The following MRE11 variants were observed in gnomAD, a reference collection of about 807,000 sequenced individuals.
MRE11 encodes the protein MRE11 double strand break repair nuclease.
In MRE11, 62 loss-of-function variants were observed where a neutral mutation model predicts 91.7. The observed-to-expected ratio is 0.68, with a 90% confidence interval of 0.55 to 0.84. The LOEUF (loss-of-function observed/expected upper bound fraction) is 0.84. MRE11 is among the 40% of genes least tolerant of loss of function. The pLI is 0.00. For missense variants in MRE11, 796 were observed against 852.9 expected (o/e 0.93, Z 0.83); for synonymous variants, 273 against 271.4 (o/e 1.01, Z -0.06).
intron 4 of MRE11, among the ~76,000 whole-genome samples, chr11:94,484,880 G>A (rs554274655): frequency 2.0e-5 from 3 of 152,246 alleles, no homozygotes; most frequent in East Asian, 1.9e-4. Context: ...TTAAGGAAAC[G>A]TTTCTACTAA....
intron 7 of MRE11, chr11:94,473,310 T>C (rs941296606): frequency 9.9e-5 from 15 of 152,120 alleles, no homozygotes; most frequent in African/African-American, 3.6e-4. Context: ...CATGATGCCA[T>C]TGTGCCTTCA....
Position 94,485,927 on chromosome 11 carries a change from C to G in MRE11, c.311G>C (p.Ser104Thr), listed in dbSNP as rs587780140. 23 of 1,612,376 alleles carry G rather than the reference C, an allele frequency of 1.4e-5. No homozygotes were observed. In the Admixed American group the frequency reaches 3.2e-4, roughly 22 times the overall value. ...LSDQSVNFGFSKFPWVNYQDG... is the reference protein window; with the variant it reads ...LSDQSVNFGFTKFPWVNYQDG... ...TCAAGTAAATAAATATACTTACTTA[C>G]TAAAACCAAAGTTGACTGACTGATC... Residue 104 changes from serine (S) to threonine (T), a missense_variant, in exon 4 of 20, where the codon AGT (serine) becomes ACT (threonine). Coordinates refer to ENST00000323929, the MANE Select transcript of MRE11 (RefSeq NM_005591.4).
At chr11:94,481,404 C>A (rs895564049) in intron 4 of MRE11, among the ~76,000 whole-genome samples, 1 of 152,040 alleles carries the variant, frequency 6.6e-6, no homozygotes, top group African/African-American at 2.4e-5. Flanking sequence ...ATTTTATTGT[C>A]TTGAAAGAAC....
At chr11:94,450,347 CTT>C (rs1467078265) in intron 14 of MRE11, among the ~76,000 whole-genome samples, 2 of 152,036 alleles carry the variant, frequency 1.3e-5, no homozygotes, top group African/African-American at 4.8e-5. Context: ...CAGCTGTATG[CTT>C]TTAGAAAGCA....
At chr11:94,443,922 T>TCG (rs1565210235) in intron 16 of MRE11, among the ~76,000 whole-genome samples, 6 of 140,982 alleles carry the variant, frequency 4.3e-5, no homozygotes, top group East Asian at 2.1e-4. Context: ...CAACCAATTT[T>TCG]TTTTTTTTTT....
chr11:94,482,366 C>T (rs998805389), intron 4 of MRE11, among the ~76,000 whole-genome samples: 1 of 152,184 alleles, frequency 6.6e-6, no homozygotes, highest in African/African-American at 2.4e-5. Context: ...AACCCATGCT[C>T]TTAATCACTA....
chr11:94,471,199 GATCT>G (rs772145053), intron 8 of MRE11, among the ~76,000 whole-genome samples: 9 of 151,950 alleles, frequency 5.9e-5, no homozygotes, highest in Non-Finnish European at 1.0e-4. Flanking sequence ...TTAAAAATGA[GATCT>G]ATTATACTGC....
At chr11:94,459,044 C>T (rs958242123) in intron 13 of MRE11, among the ~76,000 whole-genome samples, 2 of 152,094 alleles carry the variant, frequency 1.3e-5, no homozygotes, top group African/African-American at 4.8e-5. Context: ...TTTTCCACTG[C>T]TTCTTGCTTA....
the MRE11 span, among the ~76,000 whole-genome samples, chr11:94,510,032 A>G: frequency 6.6e-6 from 1 of 152,142 alleles, no homozygotes; most frequent in East Asian, 1.9e-4. Flanking sequence ...TGAGTTGGGA[A>G]GTGTTAACAT....
intron 11 of MRE11, among the ~76,000 whole-genome samples, chr11:94,462,031 C>T (rs577708776): frequency 3.3e-5 from 5 of 152,196 alleles, no homozygotes; most frequent in African/African-American, 7.2e-5. Flanking sequence ...GCTGAGATCA[C>T]GCCACTGCAC....
At chr11:94,511,970 A>G in the MRE11 span, among the ~76,000 whole-genome samples, 3 of 152,266 alleles carry the variant, frequency 2.0e-5, no homozygotes, top group Non-Finnish European at 4.4e-5. Context: ...ATAATTCACA[A>G]CGTGAAAGTT....
rs1945076738 is a variant in MRE11 at position 94,418,237 on chromosome 11, A to G, written c.*1888T>C. On this transcript the variant is annotated 3_prime_UTR_variant, in exon 20 of 20. Transcript: ENST00000323929. ...GTTTCCCTGTCACGTTTTATTTACC[A>G]TATTTTCAGGGCTTGATACATAGTA... The G allele has an allele frequency of 4.3e-6, 1 of 233,026 alleles. No homozygotes were observed. Among genetic ancestry groups the G allele is most frequent in the Non-Finnish European group, 8.5e-6 (1 of 118,018 alleles). The allele number at this position is 233,026 out of a possible 1,614,324, so 14.4% of individuals were successfully genotyped here. A position where few individuals can be genotyped will look rare whatever the true frequency, so the allele number is the denominator to read the frequency against.
At chr11:94,447,665 CAAAAAAAA>C (rs56850566) in intron 14 of MRE11, among the ~76,000 whole-genome samples, 4 of 49,002 alleles carry the variant, frequency 8.2e-5, no homozygotes, top group East Asian at 1.4e-3. Context: ...CCCGTCTCTA[CAAAAAAAA>C]AAAAAAAAAA....
intron 19 of MRE11, among the ~76,000 whole-genome samples, chr11:94,423,137 G>C (rs1166753272): frequency 1.3e-5 from 2 of 152,214 alleles, no homozygotes; most frequent in East Asian, 3.8e-4. Flanking sequence ...ATTTTGAGCA[G>C]ATCTTTGGAG....
At chr11:94,483,366 C>T (rs1353295388) in intron 4 of MRE11, among the ~76,000 whole-genome samples, 3 of 152,054 alleles carry the variant, frequency 2.0e-5, no homozygotes, top group East Asian at 1.9e-4. Flanking sequence ...GTGTCCCCAC[C>T]CAAATTTCAT....
chr11:94,442,984 C>A (rs1945826432), intron 16 of MRE11, among the ~76,000 whole-genome samples: 1 of 152,202 alleles, frequency 6.6e-6, no homozygotes, highest in African/African-American at 2.4e-5. Context: ...AGCTAAGGAT[C>A]TTAGCTAGCT....
rs377652029 is a variant in MRE11, at chr11:94,416,731, G to C, written c.*3394C>G. On this transcript the variant is annotated 3_prime_UTR_variant, in exon 20 of 20. Coordinates refer to ENST00000323929, the MANE Select transcript of MRE11 (RefSeq NM_005591.4). ...AAATTAGCCAGGCGTGGTGGTGGGC[G>C]CCTGTAGTCCCAGCTACTTGGGAGG... 1 of 150,272 alleles carries C rather than the reference G, an allele frequency of 6.7e-6. No homozygotes were observed. The highest frequency in any genetic ancestry group is 2.4e-5 in the African/African-American group (1 of 41,010). The allele number at this position is 150,272 out of a possible 1,614,324, so 9.3% of individuals were successfully genotyped here. A position where few individuals can be genotyped will look rare whatever the true frequency, so the allele number is the denominator to read the frequency against.
In MRE11 at chr11:94,485,807, T is replaced by C; in HGVS notation, c.314+117A>G. On this transcript the variant is annotated intron_variant, in intron 4 of 19. Transcript: ENST00000323929. ...ATGATGTACAAAAAAATTCAAAGAA[T>C]GATATTTACTAAGAAAATAGCTTAT... The C allele has an allele frequency of 5.2e-6, 5 of 966,898 alleles. No homozygotes were observed. The South Asian group carries it at 7.5e-5, about 15-fold the overall frequency. The allele number at this position is 966,898 out of a possible 1,614,324, so 59.9% of individuals were successfully genotyped here.
At chr11:94,453,853 T>C (rs564697443) in intron 14 of MRE11, among the ~76,000 whole-genome samples, 1 of 152,108 alleles carries the variant, frequency 6.6e-6, no homozygotes, top group East Asian at 1.9e-4. Context: ...ACATAAGAAA[T>C]CAGAGGCCAG....
Sources: gnomAD v4.1 joint callset for allele counts (sites outside exome capture counted in the v4.1 genomes callset) on GRCh38, gnomAD v4.1.1 for gene constraint, MANE v1.5 for transcripts, NCBI Gene and HGNC (gene_info 2026-07-23, HGNC 2026-07-21) for gene names.